The following ATOSB variants were observed in gnomAD, a reference collection of about 807,000 sequenced individuals.
The protein encoded by ATOSB is atos homolog protein B.
chr9:35,106,078 T>C, the ATOSB span: 2 of 1,544,524 alleles, frequency 1.3e-6, no homozygotes, highest in East Asian at 2.4e-5. This position sits in a 1 kb window ranked among gnomAD's most constrained non-coding sequence, Gnocchi z 4.6. Flanking sequence ...CACATGTCCC[T>C]CTCCACAAGC....
At chr9:35,106,712 C>T in the ATOSB span, 3 of 1,461,326 alleles carry the variant, frequency 2.1e-6, no homozygotes, top group Non-Finnish European at 1.9e-6. The surrounding 1 kb of genome is among the most constrained non-coding windows in gnomAD (Gnocchi z 4.6). Context: ...TGCCCTTGGA[C>T]TCCACCCTCT....
chr9:35,111,851 C>T, the ATOSB span, among the ~76,000 whole-genome samples: 1 of 152,226 alleles, frequency 6.6e-6, no homozygotes, highest in African/African-American at 2.4e-5. Context: ...ACACCCTGCC[C>T]TGCCATTTAA....
the ATOSB span, chr9:35,104,523 C>T: frequency 4.6e-6 from 1 of 215,228 alleles, no homozygotes; most frequent in Non-Finnish European, 1.1e-5. Flanking sequence ...GGGTGGTTAA[C>T]CCCTGTGTGT....
chr9:35,104,588 C>T, the ATOSB span: 2 of 400,842 alleles, frequency 5.0e-6, no homozygotes, highest in Non-Finnish European at 1.1e-5. Flanking sequence ...CTTGTGCACA[C>T]ACACATACGC....
At chr9:35,106,674 G>A in the ATOSB span, 1 of 1,513,806 alleles carries the variant, frequency 6.6e-7, no homozygotes, top group Non-Finnish European at 9.0e-7. The surrounding 1 kb of genome is among the most constrained non-coding windows in gnomAD (Gnocchi z 4.6). Context: ...CAGGGGGTTG[G>A]CTTGAGGTAT....
the ATOSB span, chr9:35,107,930 G>A: frequency 2.5e-6 from 4 of 1,601,024 alleles, no homozygotes; most frequent in African/African-American, 5.4e-5. Flanking sequence ...AGAAATGCTG[G>A]CTGGCCACAC....
chr9:35,104,207 G>A, the ATOSB span: 1 of 152,480 alleles, frequency 6.6e-6, no homozygotes, highest in African/African-American at 2.4e-5. Flanking sequence ...TCCTGTTTTT[G>A]ATTTGCTTTG....
At chr9:35,111,281 T>C in the ATOSB span, 1 of 153,516 alleles carries the variant, frequency 6.5e-6, no homozygotes, top group African/African-American at 2.4e-5. Context: ...CGCTCCCAAA[T>C]TGGCTCCGCG....
the ATOSB span, chr9:35,108,307 C>T: frequency 1.3e-6 from 2 of 1,512,494 alleles, no homozygotes; most frequent in African/African-American, 1.4e-5. Context: ...GGCCCCCCAA[C>T]ACGGCCTTTA....
the ATOSB span, chr9:35,108,318 T>C: frequency 6.7e-7 from 1 of 1,499,338 alleles, no homozygotes; most frequent in South Asian, 1.3e-5. Context: ...ACGGCCTTTA[T>C]GCTGGGCCTG....
At chr9:35,107,729 C>G in the ATOSB span, 8 of 1,593,594 alleles carry the variant, frequency 5.0e-6, no homozygotes, top group East Asian at 4.5e-5. Context: ...GTGTGTGCAG[C>G]TGGCCTGGAG....
chr9:35,114,981 C>A, the ATOSB span, among the ~76,000 whole-genome samples: 1 of 150,336 alleles, frequency 6.7e-6, no homozygotes, highest in Non-Finnish European at 1.5e-5. Context: ...GGGCAAGGGC[C>A]AGGCCAGGCC....
At chr9:35,106,442 G>A in the ATOSB span, 7 of 1,613,966 alleles carry the variant, frequency 4.3e-6, no homozygotes, top group Non-Finnish European at 5.9e-6. This position sits in a 1 kb window ranked among gnomAD's most constrained non-coding sequence, Gnocchi z 4.6. Context: ...CACATGAAGA[G>A]AGAGATGCCA....
chr9:35,109,415 GCAGT>G, the ATOSB span: 4 of 152,352 alleles, frequency 2.6e-5, no homozygotes, highest in African/African-American at 9.7e-5. Flanking sequence ...TAAGGCCGCA[GCAGT>G]CAGTCAGCTG....
At chr9:35,105,199 C>T in the ATOSB span, 1 of 1,597,484 alleles carries the variant, frequency 6.3e-7, no homozygotes, top group Non-Finnish European at 8.6e-7. This position sits in a 1 kb window ranked among gnomAD's most constrained non-coding sequence, Gnocchi z 5.5. Flanking sequence ...CATTAGCCCG[C>T]ATGGGTTCAG....
chr9:35,108,523 C>A, the ATOSB span: 1 of 1,208,508 alleles, frequency 8.3e-7, no homozygotes, highest in Admixed American at 3.9e-5. Context: ...TCTCAGAACT[C>A]CTGAGAGGGT....
At chr9:35,110,210 G>A in the ATOSB span, 1 of 152,196 alleles carries the variant, frequency 6.6e-6, no homozygotes, top group African/African-American at 2.4e-5. Flanking sequence ...GCTGGAAAGG[G>A]CAGAACACCA....
At chr9:35,105,315 G>C in the ATOSB span, 1 of 1,614,082 alleles carries the variant, frequency 6.2e-7, no homozygotes, top group Non-Finnish European at 8.5e-7. This position sits in a 1 kb window ranked among gnomAD's most constrained non-coding sequence, Gnocchi z 5.5. Flanking sequence ...GCTCCGGCGG[G>C]AAAAAAGCAG....
At chr9:35,110,757 C>CT in the ATOSB span, 3 of 152,310 alleles carry the variant, frequency 2.0e-5, no homozygotes, top group African/African-American at 7.2e-5. Context: ...CTTTTGAGGC[C>CT]TGGGAGGTGG....
Sources: allele counts gnomAD v4.1 joint callset (sites outside exome capture counted in the v4.1 genomes callset), GRCh38; gene constraint gnomAD v4.1.1; non-coding constraint Gnocchi (gnomAD v3.1); transcripts MANE v1.5; gene names NCBI Gene and HGNC (gene_info 2026-07-23, HGNC 2026-07-21).